SPATS2L: variants seen among roughly 807,000 people sequenced by gnomAD.
SPATS2L encodes the protein SPATS2-like protein.
In SPATS2L, 30 loss-of-function variants were observed where a neutral mutation model predicts 59.6. That is an observed-to-expected ratio of 0.50 (90% confidence interval 0.38 to 0.68). The LOEUF (loss-of-function observed/expected upper bound fraction) is 0.68. Ranked by LOEUF, SPATS2L falls within the 30% of genes least tolerant of loss-of-function variation. The pLI is 0.00. For synonymous variants in SPATS2L, 252 were observed against 263.5 expected, an observed-to-expected ratio of 0.96 and a Z score of 0.42; for missense variants, 615 against 700.0, an observed-to-expected ratio of 0.88 and a Z score of 1.37.
At chr2:200,309,555 A>C (rs1481285273) in intron 1 of SPATS2L, among the ~76,000 whole-genome samples, 1 of 152,228 alleles carries the variant, frequency 6.6e-6, no homozygotes, top group Non-Finnish European at 1.5e-5. Flanking sequence ...TAGATTTTAC[A>C]AGCATGACAC....
At chr2:200,465,638 A>C (rs560265069) in intron 9 of SPATS2L, among the ~76,000 whole-genome samples, 1 of 152,364 alleles carries the variant, frequency 6.6e-6, no homozygotes, top group East Asian at 1.9e-4. Flanking sequence ...GCCCCAGTTA[A>C]AGAATCAAAG....
chr2:200,434,793 A>G (rs1330014071), intron 6 of SPATS2L, among the ~76,000 whole-genome samples: 1 of 152,134 alleles, frequency 6.6e-6, no homozygotes, highest in Non-Finnish European at 1.5e-5. Flanking sequence ...TATAGATTCA[A>G]CACAAGTCCA....
intron 6 of SPATS2L, among the ~76,000 whole-genome samples, chr2:200,428,444 G>A (rs934529633): frequency 1.3e-5 from 2 of 152,088 alleles, no homozygotes; most frequent in African/African-American, 4.8e-5. Context: ...CCCTTTGGAG[G>A]TCATTCTTCC....
chr2:200,358,297 A>G (rs535199439), intron 2 of SPATS2L, among the ~76,000 whole-genome samples: 17 of 152,340 alleles, frequency 1.1e-4, no homozygotes, highest in African/African-American at 4.1e-4. Flanking sequence ...CAGGCACATC[A>G]TATAACCTGT....
chr2:200,332,297 T>C (rs2079971402), intron 2 of SPATS2L, among the ~76,000 whole-genome samples: 1 of 151,766 alleles, frequency 6.6e-6, no homozygotes, highest in Non-Finnish European at 1.5e-5. Context: ...TGGGTTGGAG[T>C]GCAGTGGCGC....
chr2:200,425,778 G>A (rs187409395), intron 6 of SPATS2L, among the ~76,000 whole-genome samples: 42 of 152,278 alleles, frequency 2.8e-4, no homozygotes, highest in Admixed American at 2.7e-3. Context: ...GGGGTCGCGG[G>A]GGATGGGGAG....
chr2:200,409,168 C>T (rs763176193), intron 3 of SPATS2L, among the ~76,000 whole-genome samples: 24 of 152,204 alleles, frequency 1.6e-4, no homozygotes, highest in Non-Finnish European at 2.9e-4. Flanking sequence ...GCAAAACAGC[C>T]GCTGCGGGCG....
At chr2:200,454,863 A>G (rs1016620207) in intron 8 of SPATS2L, among the ~76,000 whole-genome samples, 1 of 152,202 alleles carries the variant, frequency 6.6e-6, no homozygotes, top group African/African-American at 2.4e-5. Context: ...TGGAAAGCCA[A>G]TTAAAGAGTT....
chr2:200,358,820 C>T (rs1186111425), intron 2 of SPATS2L, among the ~76,000 whole-genome samples: 2 of 152,070 alleles, frequency 1.3e-5, no homozygotes, highest in Non-Finnish European at 2.9e-5. Flanking sequence ...CCATCTCTAT[C>T]TAAAAACAAA....
chr2:200,430,763 G>C (rs1341557869), intron 6 of SPATS2L, among the ~76,000 whole-genome samples: 10 of 147,614 alleles, frequency 6.8e-5, no homozygotes, highest in Admixed American at 5.4e-4. Flanking sequence ...TGTCACCCAG[G>C]CTAGAGTGCA....
intron 3 of SPATS2L, among the ~76,000 whole-genome samples, chr2:200,400,355 A>G (rs1467955254): frequency 6.6e-6 from 1 of 152,216 alleles, no homozygotes; most frequent in Non-Finnish European, 1.5e-5. Context: ...CTGGGAAAAT[A>G]TGAGAAGAAT....
At chr2:200,323,674 C>A (rs929487305) in intron 1 of SPATS2L, among the ~76,000 whole-genome samples, 8 of 152,010 alleles carry the variant, frequency 5.3e-5, no homozygotes, top group African/African-American at 1.7e-4. Flanking sequence ...GGGAAGGGGG[C>A]CTTTTGACTT....
intron 11 of SPATS2L, among the ~76,000 whole-genome samples, chr2:200,471,918 G>T (rs2087074510): frequency 6.6e-6 from 1 of 152,250 alleles, no homozygotes; most frequent in Non-Finnish European, 1.5e-5. Context: ...GAAAGGTCTA[G>T]CTGGCAGTCA....
intron 8 of SPATS2L, among the ~76,000 whole-genome samples, chr2:200,456,824 A>G (rs1347209648): frequency 6.6e-6 from 1 of 152,034 alleles, no homozygotes; most frequent in African/African-American, 2.4e-5. Context: ...TGCTCTCTAA[A>G]CCCAGGGACT....
chr2:200,389,130 C>A, intron 2 of SPATS2L, 93 bp from the exon 3 acceptor site: 1 of 730,744 alleles, frequency 1.4e-6, no homozygotes, highest in South Asian at 1.9e-5. Context: ...TGATTATGAC[C>A]GAATGAAGTT....
At chr2:200,432,280 C>T (rs1033573226) in intron 6 of SPATS2L, among the ~76,000 whole-genome samples, 1 of 152,116 alleles carries the variant, frequency 6.6e-6, no homozygotes, top group Non-Finnish European at 1.5e-5. Flanking sequence ...GATGATTGCC[C>T]TGCAGAAACT....
In SPATS2L at chr2:200,468,347, T is replaced by TAC. The variant is rs141831238; in HGVS notation, c.957+979_957+980dup. On this transcript the variant is annotated intron_variant, in intron 10 of 12. Transcript: ENST00000409140. Reference sequence around the variant, plus strand: ...TTATCCACTTTTTCACCCAGTATACTACACACACACACACACACACACACA... The same window carrying TAC: ...TTATCCACTTTTTCACCCAGTATACTACACACACACACACACACACACACACA... Among the ~76,000 whole-genome samples the TAC allele has an allele frequency of 6.1e-3, 677 of 110,154 alleles. 29 individuals carry two copies. Among genetic ancestry groups the TAC allele is most frequent in the Middle Eastern group, 0.022 (4 of 186 alleles). 72.3% of individuals were successfully genotyped at this position (110,154 alleles called of 152,430 possible).
intron 3 of SPATS2L, among the ~76,000 whole-genome samples, chr2:200,402,782 T>G (rs1324631479): frequency 6.6e-6 from 1 of 152,218 alleles, no homozygotes; most frequent in Non-Finnish European, 1.5e-5. Flanking sequence ...AGGGAAGTTT[T>G]TATGGTAATA....
At chr2:200,419,068 A>G (rs1034370616) in intron 5 of SPATS2L, among the ~76,000 whole-genome samples, 182 bp from the exon 6 acceptor site, 23 of 152,138 alleles carry the variant, frequency 1.5e-4, no homozygotes, top group African/African-American at 3.9e-4. Context: ...ACAACTTACT[A>G]TAAGAAAGAA....
Sources: gnomAD v4.1 joint callset for allele counts (sites outside exome capture counted in the v4.1 genomes callset) on GRCh38, gnomAD v4.1.1 for gene constraint, MANE v1.5 for transcripts, NCBI Gene and HGNC (gene_info 2026-07-23, HGNC 2026-07-21) for gene names.